YEATS2: variants seen among roughly 807,000 people sequenced by gnomAD.
YEATS2 encodes YEATS domain-containing protein 2.
Under a neutral mutation model 163.2 loss-of-function variants are expected in YEATS2, and 77 were observed. The observed-to-expected ratio is 0.47, with a 90% CI of 0.39 to 0.57. The LOEUF (loss-of-function observed/expected upper bound fraction) is 0.57, where lower values mean the gene tolerates loss of function less well. Ranked by LOEUF, YEATS2 falls within the 20% of genes least tolerant of loss-of-function variation. The probability of loss-of-function intolerance (pLI) is 0.00; values close to 1 mark genes in which losing one functional copy is unlikely to be tolerated. For missense variants in YEATS2, 1,549 were observed against 1,729.8 expected (o/e 0.90, Z 1.85); for synonymous variants, 631 against 645.1 (o/e 0.98, Z 0.33).
intron 18 of YEATS2, among the ~76,000 whole-genome samples, chr3:183,776,767 CA>C (rs1256317861): frequency 6.6e-6 from 1 of 151,918 alleles, no homozygotes; most frequent in Non-Finnish European, 1.5e-5. Context: ...CAGCCTGGTC[CA>C]TGGTGAAACC....
intron 26 of YEATS2, 91 bp from the exon 27 acceptor site, chr3:183,803,894 TAG>T: frequency 3.0e-6 from 4 of 1,340,658 alleles, no homozygotes; most frequent in Non-Finnish European, 4.1e-6. Context: ...TCTAACAGGT[TAG>T]GTTAGGATGG....
intron 9 of YEATS2, 60 bp downstream of exon 9, chr3:183,747,776 T>G: frequency 1.3e-6 from 2 of 1,537,542 alleles, no homozygotes; most frequent in Non-Finnish European, 1.8e-6. Flanking sequence ...GATCTTCATT[T>G]TTTGTTTGTT....
intron 7 of YEATS2, among the ~76,000 whole-genome samples, chr3:183,735,237 A>T (rs1049393585): frequency 7.2e-5 from 11 of 152,228 alleles, no homozygotes; most frequent in African/African-American, 2.4e-4. Context: ...CTTACCATTT[A>T]GCTTTACTGG....
Position 183,790,925 on chromosome 3 carries a change from C to T in YEATS2, c.3042C>T (p.Ser1014=), listed in dbSNP as rs563342052. ...TCKAATPTVV[S]ATSLVPTPNP... Reference sequence around the variant, plus strand: ...AGGCTGCCACCCCCACCGTCGTCAGCGCCACGTCCCTCGTGCCTACACCAA... The same window carrying T: ...AGGCTGCCACCCCCACCGTCGTCAGTGCCACGTCCCTCGTGCCTACACCAA... Residue 1014 remains serine, a synonymous_variant, in exon 21 of 31, where the codon AGC becomes AGT. Transcript: ENST00000305135. 1.9e-5 allele frequency: 30 copies of T among 1,614,090 alleles called. No individual in the cohort carries two copies. Among genetic ancestry groups the T allele is most frequent in the Admixed American group, 5.0e-5 (3 of 60,000 alleles).
rs1375511576 is a variant in YEATS2 at position 183,728,832 on chromosome 3, A to G, written c.793A>G (p.Asn265Asp). 4.3e-6 allele frequency: 7 copies of G among 1,611,962 alleles called. No homozygotes were observed. Among genetic ancestry groups the G allele is most frequent in the Non-Finnish European group, 4.2e-6 (5 of 1,179,442 alleles). Reference sequence around the variant, plus strand: ...CTTCCTTCATCCTAGCTATAAACCAAATGACCTTGTGGAAGTTAGGTAAGC... The same window carrying G: ...CTTCCTTCATCCTAGCTATAAACCAGATGACCTTGTGGAAGTTAGGTAAGC... ...WFFLHPSYKPNDLVEVREPPF... is the reference protein window; with the variant it reads ...WFFLHPSYKPDDLVEVREPPF... The change falls in exon 7 of 31, where the codon AAT becomes GAT. Residue 265 changes from asparagine to aspartate, a missense_variant. Asn to Asp is a conservative substitution (Grantham distance 23, BLOSUM62 1). Transcript: ENST00000305135.
chr3:183,804,345 G>C (rs1277346291), intron 27 of YEATS2, among the ~76,000 whole-genome samples, 157 bp downstream of exon 27: 1 of 152,202 alleles, frequency 6.6e-6, no homozygotes. Context: ...CCATGTTGCT[G>C]TTTGTAGCCA....
chr3:183,739,254 C>A (rs975001508), intron 8 of YEATS2, among the ~76,000 whole-genome samples: 1 of 151,750 alleles, frequency 6.6e-6, no homozygotes, highest in Non-Finnish European at 1.5e-5. Flanking sequence ...TAAGCAACTT[C>A]AGCAAAGTCT....
chr3:183,729,985 C>T lies in YEATS2; in HGVS notation c.812+1134C>T, dbSNP rs533139635. 8.1e-5 allele frequency among the ~76,000 whole-genome samples: 12 copies of T among 147,822 alleles called. No homozygotes were observed. In the South Asian group the frequency reaches 8.6e-4, roughly 11 times the overall value. ...GATTACAGGTGTGAGTCACCATGCC[C>T]GGCCTTATTCTTTACATCTTTATAT... On this transcript the variant is annotated intron_variant, in intron 7 of 30. Coordinates refer to ENST00000305135, the MANE Select transcript of YEATS2 (RefSeq NM_018023.5).
chr3:183,808,883 C>T, intron 29 of YEATS2: 1 of 510,056 alleles, frequency 2.0e-6, no homozygotes, highest in Non-Finnish European at 3.5e-6. Flanking sequence ...AGAATAATGT[C>T]TGATTAATGA....
At chr3:183,772,225 T>C (rs1388376998) in intron 15 of YEATS2, 80 bp from the exon 16 acceptor site, 1 of 1,585,072 alleles carries the variant, frequency 6.3e-7, no homozygotes, top group East Asian at 2.2e-5. Flanking sequence ...TGCAGGCCTT[T>C]GTTTTGCTCT....
intron 9 of YEATS2, among the ~76,000 whole-genome samples, chr3:183,748,910 A>G (rs1285082315): frequency 1.3e-5 from 2 of 151,686 alleles, no homozygotes; most frequent in South Asian, 2.1e-4. Flanking sequence ...TGGTTCATAT[A>G]TATATGTGTG....
At chr3:183,745,884 T>C (rs757078606) in intron 8 of YEATS2, among the ~76,000 whole-genome samples, 20 of 152,152 alleles carry the variant, frequency 1.3e-4, no homozygotes, top group Non-Finnish European at 2.8e-4. Flanking sequence ...CATGCTGAAG[T>C]GCGGTGATGC....
chr3:183,786,090 C>A (rs1486414384), intron 19 of YEATS2, 35 bp from the exon 20 acceptor site: 1 of 1,598,428 alleles, frequency 6.3e-7, no homozygotes, highest in South Asian at 1.1e-5. Flanking sequence ...TTATCCAAGG[C>A]AACATGATTA....
At position 183,772,557 on chromosome 3, in the gene YEATS2, G is replaced by T. The variant is rs1454721519; in HGVS notation, c.2200G>T (p.Gly734Cys). The change falls in exon 16 of 31, where the codon GGT (glycine) becomes TGT (cysteine). Residue 734 changes from glycine (G) to cysteine (C), a missense_variant. Physicochemically the swap from Gly to Cys is radical, Grantham distance 159. Coordinates refer to ENST00000305135, the MANE Select transcript of YEATS2 (RefSeq NM_018023.5). ...TGGTCCTCAGAAGAGTGGATCCCAG[G>T]GTTCAGGTAAAACGGATCATCACTG... ...AAGPQKSGSQ[G>C]SVMATLQLPA... The T allele has an allele frequency of 6.2e-7, 1 of 1,613,758 alleles. No homozygotes were observed. Among genetic ancestry groups the T allele is most frequent in the African/African-American group, 1.3e-5 (1 of 75,008 alleles).
rs774336762 is a variant in YEATS2, at chr3:183,810,605, A to G, written c.*22A>G. 1.9e-6 allele frequency: 3 copies of G among 1,607,568 alleles called. No homozygotes were observed. Among genetic ancestry groups the G allele is most frequent in the Non-Finnish European group, 2.6e-6 (3 of 1,174,512 alleles). On this transcript the variant is annotated 3_prime_UTR_variant, in exon 31 of 31. Transcript: ENST00000305135. ...GTGAGCGGAGTGAGGTGCCCTGGAGAAGCAGGCTTTGAAGGCACAGCGAAG... is the reference window on the plus strand; with the variant it reads ...GTGAGCGGAGTGAGGTGCCCTGGAGGAGCAGGCTTTGAAGGCACAGCGAAG...
Position 183,758,873 on chromosome 3 carries a change from A to G in YEATS2, c.1564A>G (p.Asn522Asp). The G allele has an allele frequency of 6.3e-7, 1 of 1,590,832 alleles. No individual in the cohort carries two copies. The highest frequency in any genetic ancestry group is 2.3e-5 in the East Asian group (1 of 44,322). The change falls in exon 13 of 31, where the codon AAC becomes GAC. Residue 522 changes from asparagine (N) to aspartate (D), a missense_variant. By Grantham distance (23) the Asn-to-Asp change is conservative. Transcript: ENST00000305135. Reference sequence around the variant, plus strand: ...GCCTTGCTTATCAGGAAGTCCTACAAACAAGATCTCCACGGCTTCTCAGGT... The same window carrying G: ...GCCTTGCTTATCAGGAAGTCCTACAGACAAGATCTCCACGGCTTCTCAGGT... ...ATTPSTGSPT[N>D]KISTASQVSQ...
chr3:183,785,705 A>G lies in YEATS2; in HGVS notation c.2737-420A>G, dbSNP rs951438150. Among the ~76,000 whole-genome samples the G allele has an allele frequency of 3.3e-5, 5 of 152,272 alleles. No homozygotes were observed. In the East Asian group the frequency reaches 9.6e-4, roughly 29 times the overall value. ...ATATGTAATTTGTAAATGGTTCTCC[A>G]GTACTAAAATGCTAAGCCTATATCT... On this transcript the variant is annotated intron_variant, in intron 19 of 30. Coordinates refer to ENST00000305135, the MANE Select transcript of YEATS2 (RefSeq NM_018023.5).
chr3:183,727,704 G>A, intron 6 of YEATS2, among the ~76,000 whole-genome samples: 1 of 152,140 alleles, frequency 6.6e-6, no homozygotes, highest in Non-Finnish European at 1.5e-5. Flanking sequence ...ATAAAGGGGA[G>A]CGCTAAAGAT....
In YEATS2 at chr3:183,761,633, A is replaced by C; in HGVS notation, c.1764+19A>C. On this transcript the variant is annotated intron_variant, in intron 14 of 30. Transcript: ENST00000305135. The stretch of plus-strand genomic sequence containing the variant: ...CACAAAAGTGAGTATGTATTAGGGC[A>C]TTGTCCCACAAGTCATAATACTTTT... The C allele has an allele frequency of 1.2e-6, 2 of 1,601,296 alleles. No homozygotes were observed. Among genetic ancestry groups the C allele is most frequent in the Non-Finnish European group, 1.7e-6 (2 of 1,168,450 alleles).
Sources: gnomAD v4.1 joint callset for allele counts (sites outside exome capture counted in the v4.1 genomes callset) on GRCh38, gnomAD v4.1.1 for gene constraint, MANE v1.5 for transcripts, NCBI Gene and HGNC (gene_info 2026-07-23, HGNC 2026-07-21) for gene names.